NELL1: variants seen among roughly 807,000 people sequenced by gnomAD.
The protein encoded by NELL1 is protein kinase C-binding protein NELL1.
NELL1 carries 76 observed loss-of-function variants against 107.4 expected under a neutral mutation model. The observed-to-expected ratio is 0.71, with a 90% CI of 0.59 to 0.86. NELL1 has a LOEUF of 0.86. Among genes scored for constraint, NELL1 ranks in the 40% least tolerant of loss-of-function variants. NELL1 has a pLI of 0.00. For synonymous variants in NELL1, 353 were observed against 341.2 expected (o/e 1.03, Z -0.38); for missense variants, 1,024 against 1,005.5 (o/e 1.02, Z -0.25).
intron 2 of NELL1, among the ~76,000 whole-genome samples, chr11:20,688,331 C>T (rs911687744): frequency 1.3e-5 from 2 of 151,836 alleles, no homozygotes; most frequent in African/African-American, 2.4e-5. Flanking sequence ...ATCTGGTTAC[C>T]CAGGTAGTAA....
chr11:20,973,177 C>T (rs1051500090), intron 12 of NELL1, among the ~76,000 whole-genome samples: 4 of 142,752 alleles, frequency 2.8e-5, no homozygotes, highest in Admixed American at 1.5e-4. Context: ...GGCACAATCT[C>T]GGCTCACTGC....
In NELL1 at chr11:20,975,630, C is replaced by CATATT. The variant is rs1851593095; in HGVS notation, c.1300+15074_1300+15075insTATAT. ...TATATACACATATGTAGATATAATA[C>CATATT]ATATATGTATTATATAATGTATGTA... On this transcript the variant is annotated intron_variant, in intron 12 of 19. Coordinates refer to ENST00000357134, the MANE Select transcript of NELL1 (RefSeq NM_006157.5). Among the ~76,000 whole-genome samples, 2 of 122,444 alleles carry CATATT rather than the reference C, an allele frequency of 1.6e-5. 1 individual carries two copies. Among genetic ancestry groups the CATATT allele is most frequent in the Non-Finnish European group, 3.4e-5 (2 of 58,664 alleles). 80.3% of individuals were successfully genotyped at this position (122,444 alleles called of 152,430 possible). A position where few individuals can be genotyped will look rare whatever the true frequency, so the allele number is the denominator to read the frequency against.
At chr11:21,172,539 G>A (rs1486996667) in intron 13 of NELL1, among the ~76,000 whole-genome samples, 1 of 151,570 alleles carries the variant, frequency 6.6e-6, no homozygotes, top group East Asian at 1.9e-4. Flanking sequence ...ATTATTCCAG[G>A]TATTATCCCC....
intron 2 of NELL1, among the ~76,000 whole-genome samples, chr11:20,687,834 C>G (rs898832004): frequency 2.0e-5 from 3 of 152,104 alleles, no homozygotes; most frequent in Non-Finnish European, 4.4e-5. Flanking sequence ...CTCAACTGAT[C>G]TGTCCACTTC....
chr11:20,873,032 A>G (rs952716946), intron 4 of NELL1, among the ~76,000 whole-genome samples: 2 of 152,228 alleles, frequency 1.3e-5, no homozygotes, highest in African/African-American at 4.8e-5. Context: ...TTATGTGAGC[A>G]GCAGGCTTTT....
At chr11:21,277,117 C>A (rs1257541440) in intron 14 of NELL1, among the ~76,000 whole-genome samples, 1 of 151,592 alleles carries the variant, frequency 6.6e-6, no homozygotes, top group Non-Finnish European at 1.5e-5. Context: ...AGGCAACCTA[C>A]AGAATGGGAG....
chr11:20,937,830 A>G lies in NELL1; in HGVS notation c.1042A>G (p.Ile348Val). ...GGKVLAEGQR[I>V]LTKSCRECRG... is the part of the protein sequence containing the mutation. ...AAAAGTTCTTGCAGAAGGCCAGCGGATTTTAACCAAGAGCTGTCGGGAATG... is the reference window on the plus strand; with the variant it reads ...AAAAGTTCTTGCAGAAGGCCAGCGGGTTTTAACCAAGAGCTGTCGGGAATG... Residue 348 changes from isoleucine (I) to valine (V), a missense_variant, in exon 10 of 20, where the codon ATT becomes GTT. By Grantham distance (29) the Ile-to-Val change is conservative. Coordinates refer to ENST00000357134, the MANE Select transcript of NELL1 (RefSeq NM_006157.5). 6.2e-7 allele frequency: 1 copy of G among 1,614,090 alleles called. No homozygotes were observed. The highest frequency in any genetic ancestry group is 1.1e-5 in the South Asian group (1 of 91,084).
intron 14 of NELL1, among the ~76,000 whole-genome samples, chr11:21,264,071 G>GT (rs1554989862): frequency 7.2e-6 from 1 of 139,436 alleles, no homozygotes; most frequent in African/African-American, 2.7e-5. Flanking sequence ...TCTACAATGG[G>GT]GTGTGTGTGT....
intron 12 of NELL1, among the ~76,000 whole-genome samples, chr11:21,087,307 T>C (rs1263749620): frequency 6.6e-6 from 1 of 152,158 alleles, no homozygotes; most frequent in Admixed American, 6.5e-5. Context: ...GTTCATATCC[T>C]GGAACTTTTT....
At chr11:20,884,844 T>TA (rs1219824272) in intron 4 of NELL1, among the ~76,000 whole-genome samples, 1 of 152,180 alleles carries the variant, frequency 6.6e-6, no homozygotes, top group Non-Finnish European at 1.5e-5. Flanking sequence ...GCTTAGAGCA[T>TA]AAAAAGTGTT....
At chr11:20,995,849 A>G (rs954330413) in intron 12 of NELL1, among the ~76,000 whole-genome samples, 7 of 152,192 alleles carry the variant, frequency 4.6e-5, no homozygotes, top group Non-Finnish European at 2.9e-5. Flanking sequence ...CTGGAATGCT[A>G]CGGAATTTAA....
chr11:21,290,897 A>T (rs372995570), intron 14 of NELL1, among the ~76,000 whole-genome samples: 1 of 152,230 alleles, frequency 6.6e-6, no homozygotes. Flanking sequence ...AACCAGTGCA[A>T]AAAGGCTGAA....
intron 15 of NELL1, among the ~76,000 whole-genome samples, chr11:21,437,405 G>A (rs1227096249): frequency 6.6e-6 from 1 of 152,120 alleles, no homozygotes; most frequent in Admixed American, 6.6e-5. Context: ...TGTTACCCAG[G>A]CTGGAGTGCA....
chr11:21,417,902 C>G (rs2133818187), intron 15 of NELL1, among the ~76,000 whole-genome samples: 1 of 152,118 alleles, frequency 6.6e-6, no homozygotes, highest in South Asian at 2.1e-4. Context: ...TTCTCCAAAT[C>G]CCATCCAGCT....
intron 15 of NELL1, among the ~76,000 whole-genome samples, chr11:21,405,206 GC>G (rs1852205783): frequency 0.058 from 3 of 52 alleles, no homozygotes; most frequent in Non-Finnish European, 0.083. Flanking sequence ...AGGTTTTGTT[GC>G]TGCTCCTTGG....
chr11:21,315,108 T>G (rs1018451369), intron 14 of NELL1, among the ~76,000 whole-genome samples: 1 of 152,120 alleles, frequency 6.6e-6, no homozygotes, highest in Non-Finnish European at 1.5e-5. Flanking sequence ...CCGTCTGCCT[T>G]GGCCTCCCAA....
At chr11:21,504,518 T>G (rs1855232674) in intron 15 of NELL1, among the ~76,000 whole-genome samples, 1 of 152,196 alleles carries the variant, frequency 6.6e-6, no homozygotes, top group Non-Finnish European at 1.5e-5. Context: ...CATAATTGAA[T>G]AAATTCACAG....
At chr11:21,410,372 T>G (rs1406620710) in intron 15 of NELL1, among the ~76,000 whole-genome samples, 1 of 152,060 alleles carries the variant, frequency 6.6e-6, no homozygotes, top group Non-Finnish European at 1.5e-5. Context: ...AATTTCAAGT[T>G]CCATCAGGTT....
intron 2 of NELL1, among the ~76,000 whole-genome samples, chr11:20,752,524 C>T (rs1333376935): frequency 6.6e-6 from 1 of 152,132 alleles, no homozygotes; most frequent in African/African-American, 2.4e-5. Context: ...ACTCCAGCCT[C>T]AGCAACAAGA....
Sources: gnomAD v4.1 joint callset for allele counts (sites outside exome capture counted in the v4.1 genomes callset) on GRCh38, gnomAD v4.1.1 for gene constraint, MANE v1.5 for transcripts, NCBI Gene and HGNC (gene_info 2026-07-23, HGNC 2026-07-21) for gene names.